MBTPS1: variants seen among roughly 807,000 people sequenced by gnomAD.
MBTPS1 encodes membrane bound transcription factor peptidase, site 1, also known as membrane-bound transcription factor site-1 protease.
MBTPS1 carries 94 observed loss-of-function variants against 127.8 expected under a neutral mutation model. That is an observed-to-expected ratio of 0.74 (90% CI 0.62 to 0.87). MBTPS1 has a LOEUF of 0.87. Ranked by LOEUF, MBTPS1 falls within the 40% of genes least tolerant of loss-of-function variation. MBTPS1 has a pLI of 0.00. For synonymous variants in MBTPS1, 632 were observed against 509.4 expected (o/e 1.24, Z -3.24); for missense variants, 1,636 against 1,353.2 (o/e 1.21, Z -3.28).
chr16:84,106,610 G>C (rs1305035912), intron 1 of MBTPS1, among the ~76,000 whole-genome samples: 1 of 152,210 alleles, frequency 6.6e-6, no homozygotes, highest in Non-Finnish European at 1.5e-5. Flanking sequence ...GACAGCCCAG[G>C]GAAGGCCTGC....
chr16:84,065,291 G>C (rs1447525091), intron 18 of MBTPS1, among the ~76,000 whole-genome samples: 1 of 152,068 alleles, frequency 6.6e-6, no homozygotes, highest in African/African-American at 2.4e-5. Context: ...CTAAATTTTT[G>C]TATTTTTAGT....
At chr16:84,082,673 C>G (rs1448633592) in intron 10 of MBTPS1, among the ~76,000 whole-genome samples, 1 of 152,128 alleles carries the variant, frequency 6.6e-6, no homozygotes, top group Non-Finnish European at 1.5e-5. Flanking sequence ...CTCCTAAGTT[C>G]CTAAATATTC....
At chr16:84,089,233 T>C (rs1318326883) in intron 8 of MBTPS1, among the ~76,000 whole-genome samples, 1 of 152,224 alleles carries the variant, frequency 6.6e-6, no homozygotes, top group Non-Finnish European at 1.5e-5. Context: ...GTGGCTGGAG[T>C]TGGCCAACTA....
chr16:84,088,166 G>C (rs184201397), intron 8 of MBTPS1, among the ~76,000 whole-genome samples: 12 of 152,234 alleles, frequency 7.9e-5, no homozygotes, highest in Non-Finnish European at 1.5e-5. Context: ...GAGACACTCA[G>C]TTATAAAACT....
At chr16:84,113,401 C>T (rs575203507) in intron 1 of MBTPS1, among the ~76,000 whole-genome samples, 59 of 152,264 alleles carry the variant, frequency 3.9e-4, no homozygotes, top group African/African-American at 1.2e-3. Flanking sequence ...CTCTAATACA[C>T]GTATAATTAA....
At chr16:84,061,520 G>A (rs951503632) in intron 19 of MBTPS1, 2 of 152,424 alleles carry the variant, frequency 1.3e-5, no homozygotes, top group East Asian at 1.9e-4. Flanking sequence ...AGAGGAGAAC[G>A]GAGGGCCATG....
chr16:84,095,045 G>C (rs1425759726), intron 4 of MBTPS1, among the ~76,000 whole-genome samples: 3 of 152,198 alleles, frequency 2.0e-5, no homozygotes, highest in Non-Finnish European at 2.9e-5. Flanking sequence ...AATCCTTATT[G>C]TTCTGAATTT....
chr16:84,090,757 G>A (rs2086093697), intron 8 of MBTPS1, 118 bp downstream of exon 8: 1 of 755,794 alleles, frequency 1.3e-6, no homozygotes, highest in East Asian at 2.5e-5. Context: ...ACATCCTTAA[G>A]ACAAGTTTTA....
chr16:84,087,487 AAG>A, intron 8 of MBTPS1, 27 bp from the exon 9 acceptor site: 1 of 1,296,678 alleles, frequency 7.7e-7, no homozygotes, highest in Non-Finnish European at 1.1e-6. Context: ...AAAAAAAAAA[AAG>A]AAAAGAAAAA....
chr16:84,111,346 C>T (rs2086393731), intron 1 of MBTPS1, among the ~76,000 whole-genome samples: 1 of 152,106 alleles, frequency 6.6e-6, no homozygotes, highest in African/African-American at 2.4e-5. Flanking sequence ...TCGAGACCAG[C>T]CTGGCCAACA....
intron 10 of MBTPS1, among the ~76,000 whole-genome samples, chr16:84,082,715 G>A (rs1462061863): frequency 6.6e-6 from 1 of 152,164 alleles, no homozygotes; most frequent in African/African-American, 2.4e-5. Flanking sequence ...TGGAGTCTAG[G>A]CAGGTTTTCT....
At position 84,068,388 on chromosome 16, in the gene MBTPS1, A is replaced by C. The variant is rs2085721786; in HGVS notation, c.2022T>G (p.Phe674Leu). 1 of 1,614,160 alleles carries C rather than the reference A, an allele frequency of 6.2e-7. No individual in the cohort carries two copies. Among genetic ancestry groups the C allele is most frequent in the South Asian group, 1.1e-5 (1 of 91,092 alleles). Residue 674 changes from phenylalanine to leucine, a missense_variant, in exon 15 of 23, where the codon TTT (phenylalanine) becomes TTG (leucine). By Grantham distance (22) the Phe-to-Leu change is conservative. Coordinates refer to ENST00000343411, the MANE Select transcript of MBTPS1 (RefSeq NM_003791.4). ...MYQHLRSMGY[F>L]VEVLGAPFTC... is the part of the protein sequence containing the mutation. ...TGAAGGGGGCCCCGAGGACCTCTAC[A>C]AAGTAGCCCATGCTTCTCAGATGCT...
In MBTPS1 at chr16:84,063,337, G is replaced by T; in HGVS notation, c.2540C>A (p.Ser847Tyr). ...GGGRIVLYGD[S>Y]NCLDDSHRQK... ...TCGGTGACTGTCATCCAAGCAATTG[G>T]AGTCCCCATACAGTACAATCCGGCC... Residue 847 changes from serine (S) to tyrosine (Y), a missense_variant, in exon 19 of 23, where the codon TCC (serine) becomes TAC (tyrosine). Physicochemically the swap from Ser to Tyr is moderately radical, Grantham distance 144. Transcript: ENST00000343411. 1 of 1,612,084 alleles carries T rather than the reference G, an allele frequency of 6.2e-7. No individual in the cohort carries two copies. Among genetic ancestry groups the T allele is most frequent in the East Asian group, 2.2e-5 (1 of 44,842 alleles).
intron 11 of MBTPS1, among the ~76,000 whole-genome samples, chr16:84,078,508 C>G (rs908152602): frequency 1.3e-5 from 2 of 152,108 alleles, no homozygotes; most frequent in African/African-American, 4.8e-5. Flanking sequence ...CCTTACCTAA[C>G]AGAGCTACCA....
chr16:84,098,937 T>C, intron 3 of MBTPS1, 116 bp downstream of exon 3: 1 of 1,071,350 alleles, frequency 9.3e-7, no homozygotes, highest in South Asian at 1.6e-5. Context: ...TGTTCACAAT[T>C]AGCAAACTAG....
intron 8 of MBTPS1, among the ~76,000 whole-genome samples, chr16:84,088,904 G>A (rs751037211): frequency 2.6e-5 from 4 of 152,224 alleles, no homozygotes; most frequent in Non-Finnish European, 4.4e-5. Flanking sequence ...AGGTCTGTGT[G>A]AGGCAGCATG....
At position 84,054,627 on chromosome 16, in the gene MBTPS1, T is replaced by C. The variant is rs775061964; in HGVS notation, c.2981A>G (p.Tyr994Cys). ...DIPGGIMPGRYNQEVGQTIPV... is the reference protein window; with the variant it reads ...DIPGGIMPGRCNQEVGQTIPV... The stretch of plus-strand genomic sequence containing the variant: ...AATGGTCTGGCCCACCTCCTGGTTG[T>C]AGCGGCCAGGCATGATCCCTGTAAG... Residue 994 changes from tyrosine (Y) to cysteine (C), a missense_variant, in exon 23 of 23, where the codon TAC (tyrosine) becomes TGC (cysteine). By Grantham distance (194) the Tyr-to-Cys change is radical (BLOSUM62 -2). Coordinates refer to ENST00000343411, the MANE Select transcript of MBTPS1 (RefSeq NM_003791.4). The C allele has an allele frequency of 6.2e-7, 1 of 1,608,994 alleles. No homozygotes were observed. The highest frequency in any genetic ancestry group is 8.5e-7 in the Non-Finnish European group (1 of 1,177,198).
At chr16:84,114,850 G>C (rs944174395) in intron 1 of MBTPS1, among the ~76,000 whole-genome samples, 1 of 143,650 alleles carries the variant, frequency 7.0e-6, no homozygotes, top group Non-Finnish European at 1.5e-5. Context: ...AATAAATAAA[G>C]CGTTTCCTCA....
Position 84,065,602 on chromosome 16 carries a change from G to A in MBTPS1, c.2431+88C>T. Reference sequence around the variant, plus strand: ...ATGCAATAAAGCTTTTATTAAAAAAGAGACAGAGATGAGAGACAGAGAGAG... The same window carrying A: ...ATGCAATAAAGCTTTTATTAAAAAAAAGACAGAGATGAGAGACAGAGAGAG... On this transcript the variant is annotated intron_variant, in intron 18 of 22. Coordinates refer to ENST00000343411, the MANE Select transcript of MBTPS1 (RefSeq NM_003791.4). The A allele has an allele frequency of 4.6e-6, 4 of 864,004 alleles. No homozygotes were observed. The East Asian group carries it at 9.7e-5, about 21-fold the overall frequency. 53.5% of individuals were successfully genotyped at this position (864,004 alleles called of 1,614,324 possible). A position where few individuals can be genotyped will look rare whatever the true frequency, so the allele number is the denominator to read the frequency against.
Sources: allele counts gnomAD v4.1 joint callset (sites outside exome capture counted in the v4.1 genomes callset), GRCh38; gene constraint gnomAD v4.1.1; transcripts MANE v1.5; gene names NCBI Gene and HGNC (gene_info 2026-07-23, HGNC 2026-07-21).